SNTB1: variants seen among roughly 807,000 people sequenced by gnomAD.
SNTB1 encodes the protein syntrophin beta 1, also known as beta-1-syntrophin.
In SNTB1, 36 loss-of-function variants were observed where a neutral mutation model predicts 48.9. The ratio of observed to expected loss-of-function variants is 0.74; its 90% CI spans 0.56 to 0.97. The LOEUF is 0.97. SNTB1 is among the 50% of genes least tolerant of loss of function. The pLI is 0.00. For missense variants in SNTB1, 786 were observed against 703.4 expected (o/e 1.12, Z -1.33); for synonymous variants, 299 against 294.6 (o/e 1.01, Z -0.15).
At chr8:120,726,873 C>T (rs566973480) in intron 1 of SNTB1, among the ~76,000 whole-genome samples, 6 of 152,298 alleles carry the variant, frequency 3.9e-5, no homozygotes, top group Non-Finnish European at 8.8e-5. Flanking sequence ...AGCATCCTGG[C>T]ATTACTAGCA....
intron 2 of SNTB1, among the ~76,000 whole-genome samples, chr8:120,644,870 T>C (rs1467979984): frequency 1.3e-5 from 2 of 152,122 alleles, no homozygotes; most frequent in African/African-American, 2.4e-5. Context: ...TGGTGTGAGA[T>C]GGTATCTCAC....
intron 4 of SNTB1, among the ~76,000 whole-genome samples, chr8:120,553,488 C>G (rs547950428): frequency 1.2e-4 from 18 of 152,294 alleles, no homozygotes; most frequent in African/African-American, 4.1e-4. Context: ...CATGAGCTAT[C>G]TGCTGTATCC....
intron 1 of SNTB1, among the ~76,000 whole-genome samples, chr8:120,711,518 G>A (rs183658170): frequency 1.3e-3 from 196 of 152,260 alleles, no homozygotes; most frequent in African/African-American, 4.6e-3. Flanking sequence ...ATGCAAGACT[G>A]TTTACTGTGT....
At chr8:120,574,965 T>C in intron 4 of SNTB1, 121 bp downstream of exon 4, 1 of 1,232,266 alleles carries the variant, frequency 8.1e-7, no homozygotes, top group Non-Finnish European at 1.1e-6. Flanking sequence ...GGCTATATTC[T>C]TAAGGAGCTC....
chr8:120,805,620 T>C (rs774082551), intron 1 of SNTB1, among the ~76,000 whole-genome samples: 20 of 152,240 alleles, frequency 1.3e-4, no homozygotes, highest in Non-Finnish European at 2.8e-4. Context: ...ATAATGTTAG[T>C]TCAGTGAGAC....
At chr8:120,689,647 A>G (rs760567777) in intron 2 of SNTB1, among the ~76,000 whole-genome samples, 3 of 152,116 alleles carry the variant, frequency 2.0e-5, no homozygotes, top group Non-Finnish European at 4.4e-5. Context: ...TAATGGATGC[A>G]TTATTTTCAT....
At chr8:120,713,607 G>A (rs1245567687) in intron 1 of SNTB1, among the ~76,000 whole-genome samples, 1 of 152,178 alleles carries the variant, frequency 6.6e-6, no homozygotes, top group Non-Finnish European at 1.5e-5. Context: ...GCATGTGCCT[G>A]TAGTCCCAGC....
intron 6 of SNTB1, among the ~76,000 whole-genome samples, chr8:120,540,789 C>T (rs561184119): frequency 1.3e-5 from 2 of 152,260 alleles, no homozygotes; most frequent in Non-Finnish European, 2.9e-5. Context: ...GAATGGCCTC[C>T]ATCGTGGCTG....
At chr8:120,808,449 A>G (rs1820372274) in intron 1 of SNTB1, among the ~76,000 whole-genome samples, 1 of 152,236 alleles carries the variant, frequency 6.6e-6, no homozygotes, top group African/African-American at 2.4e-5. Context: ...GTACAAAAAA[A>G]GTGTTATAAA....
chr8:120,579,046 G>A (rs57500848), intron 3 of SNTB1, among the ~76,000 whole-genome samples: 30,270 of 151,926 alleles, frequency 0.2, 3,135 homozygotes, highest in Middle Eastern at 0.3. Context: ...GTGTGGTGGC[G>A]GGTGCCTGTA....
chr8:120,700,854 C>T lies in SNTB1; in HGVS notation c.572-6946G>A, dbSNP rs79848412. On this transcript the variant is annotated intron_variant, in intron 1 of 6. Coordinates refer to ENST00000517992, the MANE Select transcript of SNTB1 (RefSeq NM_021021.4). ...CCTACCAGACTGGTTTCTAAGGAGC[C>T]GGAAAGTCCGTCTGATGTGTTCAAG... Among the ~76,000 whole-genome samples the T allele has an allele frequency of 4.3e-3, 653 of 152,146 alleles. 2 individuals carry two copies. Among genetic ancestry groups the T allele is most frequent in the Non-Finnish European group, 5.7e-3 (389 of 68,010 alleles).
chr8:120,714,197 T>C (rs1288540616), intron 1 of SNTB1, among the ~76,000 whole-genome samples: 1 of 152,186 alleles, frequency 6.6e-6, no homozygotes, highest in Non-Finnish European at 1.5e-5. Context: ...CTTCCACCTG[T>C]ATTTCTGAAA....
At chr8:120,623,168 G>T (rs1816820617) in intron 3 of SNTB1, among the ~76,000 whole-genome samples, 1 of 152,172 alleles carries the variant, frequency 6.6e-6, no homozygotes, top group Admixed American at 6.5e-5. Flanking sequence ...TCACTCAGTT[G>T]ATTGCTCCCC....
intron 2 of SNTB1, among the ~76,000 whole-genome samples, chr8:120,687,917 G>C (rs1313357833): frequency 6.6e-6 from 1 of 152,190 alleles, no homozygotes; most frequent in African/African-American, 2.4e-5. Context: ...TCAAGTTTCT[G>C]ATCTTCTGTG....
intron 3 of SNTB1, among the ~76,000 whole-genome samples, chr8:120,592,866 G>T (rs1355704670): frequency 6.6e-6 from 1 of 152,130 alleles, no homozygotes; most frequent in Non-Finnish European, 1.5e-5. Flanking sequence ...AGGTAACAGG[G>T]CCGGTGAATC....
chr8:120,812,013 T>G lies in SNTB1; in HGVS notation c.-170A>C, dbSNP rs1423960059. On this transcript the variant is annotated 5_prime_UTR_variant, in exon 1 of 7. Coordinates refer to ENST00000517992, the MANE Select transcript of SNTB1 (RefSeq NM_021021.4). Reference sequence around the variant, plus strand: ...GTTCGCAGACGCACTCGGCGGGAGTTGGCAGCTGCACTCAGGCTGGTTCCC... The same window carrying G: ...GTTCGCAGACGCACTCGGCGGGAGTGGGCAGCTGCACTCAGGCTGGTTCCC... The G allele has an allele frequency of 2.4e-6, 3 of 1,266,378 alleles. No homozygotes were observed. Among genetic ancestry groups the G allele is most frequent in the African/African-American group, 1.6e-5 (1 of 63,780 alleles). 78.4% of individuals were successfully genotyped at this position (1,266,378 alleles called of 1,614,324 possible). A position where few individuals can be genotyped will look rare whatever the true frequency, so the allele number is the denominator to read the frequency against.
chr8:120,620,615 T>C (rs1280853418), intron 3 of SNTB1, among the ~76,000 whole-genome samples: 1 of 152,050 alleles, frequency 6.6e-6, no homozygotes, highest in East Asian at 1.9e-4. Context: ...CAACAGCTAA[T>C]ATACAGCCAG....
intron 3 of SNTB1, among the ~76,000 whole-genome samples, chr8:120,599,438 T>G (rs1310818717): frequency 6.6e-6 from 1 of 152,250 alleles, no homozygotes; most frequent in Non-Finnish European, 1.5e-5. Context: ...AATTGCTGCT[T>G]GATGCTTTTG....
At chr8:120,555,167 G>A (rs570231521) in intron 4 of SNTB1, among the ~76,000 whole-genome samples, 31 of 152,266 alleles carry the variant, frequency 2.0e-4, no homozygotes, top group African/African-American at 7.2e-4. Context: ...GAATATCCGG[G>A]GTTGTCCCGC....
Sources: gnomAD v4.1 joint callset for allele counts (sites outside exome capture counted in the v4.1 genomes callset) on GRCh38, gnomAD v4.1.1 for gene constraint, MANE v1.5 for transcripts, NCBI Gene and HGNC (gene_info 2026-07-23, HGNC 2026-07-21) for gene names.